The following SPAST variants were observed in gnomAD, a reference collection of about 807,000 sequenced individuals.
SPAST encodes spastin.
SPAST carries 30 observed loss-of-function variants against 76.6 expected under a neutral mutation model. The ratio of observed to expected loss-of-function variants is 0.39; its 90% confidence interval spans 0.29 to 0.53. SPAST has a LOEUF of 0.53. SPAST is among the 20% of genes least tolerant of loss of function. The probability of loss-of-function intolerance (pLI) is 0.68; values close to 1 mark genes in which losing one functional copy is unlikely to be tolerated. For synonymous variants in SPAST, 305 were observed against 281.0 expected, an observed-to-expected ratio of 1.09 and a Z score of -0.86; for missense variants, 717 against 770.5, an observed-to-expected ratio of 0.93 and a Z score of 0.82.
At chr2:32,138,631 G>A (rs1220103403) in intron 12 of SPAST, among the ~76,000 whole-genome samples, 2 of 152,060 alleles carry the variant, frequency 1.3e-5, no homozygotes, top group African/African-American at 4.8e-5. Flanking sequence ...CTCTGTTGAT[G>A]GTTCTTTTTG....
intron 4 of SPAST, among the ~76,000 whole-genome samples, chr2:32,110,640 A>ATATAGTATATATAG (rs1020852104): frequency 7.2e-6 from 1 of 138,228 alleles, no homozygotes; most frequent in Non-Finnish European, 1.5e-5. Flanking sequence ...TATGTAGTAT[A>ATATAGTATATATAG]TATAGTATAT....
At chr2:32,108,821 A>C (rs901312496) in intron 4 of SPAST, among the ~76,000 whole-genome samples, 5 of 126,936 alleles carry the variant, frequency 3.9e-5, no homozygotes, top group African/African-American at 1.2e-4. Context: ...GGTGGAGTGC[A>C]GTGGCGCGAT....
intron 1 of SPAST, among the ~76,000 whole-genome samples, chr2:32,079,263 TCG>T (rs1443195724): frequency 6.6e-6 from 1 of 152,002 alleles, no homozygotes; most frequent in Non-Finnish European, 1.5e-5. Context: ...ACGCCTGTAA[TCG>T]CAACATTTTG....
intron 16 of SPAST, among the ~76,000 whole-genome samples, chr2:32,150,516 C>T (rs1264962453): frequency 6.6e-6 from 1 of 151,894 alleles, no homozygotes; most frequent in Non-Finnish European, 1.5e-5. Flanking sequence ...TGGCTCACTG[C>T]ACCCTCTAGC....
chr2:32,153,916 A>C (rs1680168713), intron 16 of SPAST, among the ~76,000 whole-genome samples: 1 of 152,114 alleles, frequency 6.6e-6, no homozygotes, highest in African/African-American at 2.4e-5. Context: ...GTCTCTACTA[A>C]AAATACAAAA....
At chr2:32,121,587 CTGGAGTGCAGTGGTGCGATCTCAGCT>C (rs1679022894) in intron 7 of SPAST, among the ~76,000 whole-genome samples, 1 of 133,472 alleles carries the variant, frequency 7.5e-6, no homozygotes. Context: ...GTCACCCAGG[CTGGAGTGCAGTGGTGCGATCTCAGCT>C]CACTGCGCCC....
intron 15 of SPAST, among the ~76,000 whole-genome samples, chr2:32,145,520 A>G (rs1436501073): frequency 6.6e-6 from 1 of 152,242 alleles, no homozygotes. Context: ...ACTCAAAAAG[A>G]AAACTTTAAA....
intron 16 of SPAST, among the ~76,000 whole-genome samples, chr2:32,151,647 C>T (rs139232817): frequency 1.2e-3 from 187 of 152,244 alleles, no homozygotes; most frequent in African/African-American, 4.2e-3. Flanking sequence ...CAGTGGCTCA[C>T]GCCTGTAATC....
intron 7 of SPAST, among the ~76,000 whole-genome samples, chr2:32,119,753 A>C (rs1384618925): frequency 6.6e-6 from 1 of 152,186 alleles, no homozygotes; most frequent in Non-Finnish European, 1.5e-5. Context: ...CTCTCGCCCA[A>C]AAGTAAGACT....
intron 1 of SPAST, among the ~76,000 whole-genome samples, chr2:32,078,561 G>A (rs1478858813): frequency 6.6e-6 from 1 of 152,116 alleles, no homozygotes; most frequent in Non-Finnish European, 1.5e-5. Flanking sequence ...GAAGTGAAAG[G>A]ATTGCTTGAG....
intron 1 of SPAST, among the ~76,000 whole-genome samples, chr2:32,082,764 T>C (rs149319536): frequency 8.5e-5 from 13 of 152,298 alleles, no homozygotes; most frequent in Non-Finnish European, 1.8e-4. Context: ...AATGGAAGCA[T>C]GTAGTATGTA....
chr2:32,081,261 T>A (rs1677210463), intron 1 of SPAST, among the ~76,000 whole-genome samples: 1 of 151,426 alleles, frequency 6.6e-6, no homozygotes, highest in Admixed American at 6.6e-5. Context: ...CTGGCGTTTT[T>A]TTGTGTGTGT....
chr2:32,066,972 CAAAAAAA>C, intron 1 of SPAST, among the ~76,000 whole-genome samples: 2 of 77,600 alleles, frequency 2.6e-5, no homozygotes, highest in East Asian at 1.2e-3. Context: ...AAAACTGTCT[CAAAAAAA>C]AAAAAAAAAA....
At chr2:32,096,698 G>T (rs950236635) in intron 3 of SPAST, among the ~76,000 whole-genome samples, 1 of 151,992 alleles carries the variant, frequency 6.6e-6, no homozygotes, top group African/African-American at 2.4e-5. Context: ...GAATGGTTCT[G>T]TTAACTTTTT....
At chr2:32,065,408 A>G (rs564251710) in intron 1 of SPAST, among the ~76,000 whole-genome samples, 2 of 152,338 alleles carry the variant, frequency 1.3e-5, no homozygotes, top group Admixed American at 1.3e-4. Context: ...AATAGCAACC[A>G]TCCCAGACCA....
chr2:32,066,432 G>A (rs1676513918), intron 1 of SPAST, among the ~76,000 whole-genome samples: 1 of 152,104 alleles, frequency 6.6e-6, no homozygotes, highest in Non-Finnish European at 1.5e-5. Context: ...CACTTTGGGA[G>A]GCCGGGGCGG....
At chr2:32,128,708 GCTGGCTTAAA>G in intron 9 of SPAST, 1 of 521,496 alleles carries the variant, frequency 1.9e-6, no homozygotes. Context: ...CCGTAAACTG[GCTGGCTTAAA>G]CATCAGCAAT....
chr2:32,090,533 C>G (rs1313821605), intron 3 of SPAST, among the ~76,000 whole-genome samples: 1 of 151,868 alleles, frequency 6.6e-6, no homozygotes, highest in Non-Finnish European at 1.5e-5. Flanking sequence ...TAACATTATC[C>G]AAAAAAACTG....
chr2:32,114,208 C>A (rs1388742808), intron 4 of SPAST, among the ~76,000 whole-genome samples: 1 of 152,098 alleles, frequency 6.6e-6, no homozygotes, highest in Non-Finnish European at 1.5e-5. Flanking sequence ...AGTTCGAGAC[C>A]AGCCTAGGCA....
Sources: gnomAD v4.1 joint callset for allele counts (sites outside exome capture counted in the v4.1 genomes callset) on GRCh38, gnomAD v4.1.1 for gene constraint, MANE v1.5 for transcripts, NCBI Gene and HGNC (gene_info 2026-07-23, HGNC 2026-07-21) for gene names.